The following PDE7B variants were observed in gnomAD, a reference collection of about 807,000 sequenced individuals.
The protein encoded by PDE7B is 3',5'-cyclic-AMP phosphodiesterase 7B.
In PDE7B, 29 loss-of-function variants were observed where a neutral mutation model predicts 56.2. The observed-to-expected ratio is 0.52, with a 90% CI of 0.38 to 0.70. PDE7B has a LOEUF of 0.70. Ranked by LOEUF, PDE7B falls within the 30% of genes least tolerant of loss-of-function variation. The pLI is 0.00. For missense variants in PDE7B, 490 were observed against 565.0 expected (o/e 0.87, Z 1.35); for synonymous variants, 197 against 196.9 (o/e 1.00, Z 0.00).
At chr6:136,125,790 C>T (rs1327119882) in intron 3 of PDE7B, among the ~76,000 whole-genome samples, 8 of 152,124 alleles carry the variant, frequency 5.3e-5, no homozygotes, top group African/African-American at 1.9e-4. Context: ...TAAAGGTGTT[C>T]CCAGGCTTCA....
chr6:135,945,584 T>A (rs1248099438), intron 1 of PDE7B, among the ~76,000 whole-genome samples: 1 of 152,162 alleles, frequency 6.6e-6, no homozygotes, highest in Admixed American at 6.6e-5. Flanking sequence ...CCAGAGGATG[T>A]CATAATCAGG....
At chr6:136,117,594 A>G (rs541713097) in intron 3 of PDE7B, among the ~76,000 whole-genome samples, 208 of 152,214 alleles carry the variant, frequency 1.4e-3, no homozygotes, top group Non-Finnish European at 2.6e-3. Flanking sequence ...AAGCTGGGGA[A>G]GAAGGGCAGA....
chr6:135,964,173 G>A (rs750628577), intron 2 of PDE7B, among the ~76,000 whole-genome samples: 2 of 151,528 alleles, frequency 1.3e-5, no homozygotes, highest in East Asian at 1.9e-4. Flanking sequence ...GTGCAATCTC[G>A]GCTCATTGCG....
At chr6:135,890,716 G>A (rs2128190105) in intron 1 of PDE7B, among the ~76,000 whole-genome samples, 1 of 152,094 alleles carries the variant, frequency 6.6e-6, no homozygotes, top group East Asian at 1.9e-4. Context: ...TGCAAGGCAA[G>A]TTGCACTAAG....
At chr6:136,070,738 C>CT (rs941002279) in intron 2 of PDE7B, among the ~76,000 whole-genome samples, 1 of 152,000 alleles carries the variant, frequency 6.6e-6, no homozygotes, top group Non-Finnish European at 1.5e-5. Flanking sequence ...AACATATTGA[C>CT]TTTTTTATTA....
intron 2 of PDE7B, among the ~76,000 whole-genome samples, chr6:136,074,405 C>A (rs1045275111): frequency 1.3e-5 from 2 of 152,238 alleles, no homozygotes; most frequent in African/African-American, 4.8e-5. Context: ...TCTATCACAT[C>A]AAGCATTTAT....
At chr6:135,883,835 G>C (rs1479145853) in intron 1 of PDE7B, among the ~76,000 whole-genome samples, 13 of 152,158 alleles carry the variant, frequency 8.5e-5, no homozygotes, top group Admixed American at 8.5e-4. Flanking sequence ...GCCTCACTCT[G>C]ATGTACTCAG....
At chr6:135,941,674 A>G (rs1345583212) in intron 1 of PDE7B, among the ~76,000 whole-genome samples, 1 of 152,232 alleles carries the variant, frequency 6.6e-6, no homozygotes, top group Admixed American at 6.5e-5. Context: ...CTGCTAAAAA[A>G]CAATTATAAA....
intron 10 of PDE7B, 150 bp downstream of exon 10, chr6:136,179,291 T>C: frequency 1.5e-6 from 1 of 655,728 alleles, no homozygotes; most frequent in Non-Finnish European, 2.7e-6. Context: ...CAGTGAGCTA[T>C]GATTGCACCA....
intron 2 of PDE7B, among the ~76,000 whole-genome samples, chr6:135,979,089 G>A (rs945742187): frequency 1.8e-4 from 27 of 151,990 alleles, no homozygotes; most frequent in South Asian, 8.3e-4. Flanking sequence ...AGTATGAAGC[G>A]TTGTTGAATT....
chr6:135,999,247 C>G (rs1038524569), intron 2 of PDE7B, among the ~76,000 whole-genome samples: 1 of 152,016 alleles, frequency 6.6e-6, no homozygotes, highest in African/African-American at 2.4e-5. Context: ...GCTATAGAAC[C>G]TTTGTTTACC....
intron 2 of PDE7B, among the ~76,000 whole-genome samples, chr6:135,967,525 C>T (rs1429705408): frequency 6.6e-6 from 1 of 152,094 alleles, no homozygotes; most frequent in Non-Finnish European, 1.5e-5. Context: ...ACTAAGCTAT[C>T]GCTGTGAAGG....
chr6:136,043,522 TTAA>T (rs1024770340), intron 2 of PDE7B, among the ~76,000 whole-genome samples: 1 of 141,656 alleles, frequency 7.1e-6, no homozygotes, highest in Non-Finnish European at 1.5e-5. Context: ...AAAAAGAGAA[TTAA>T]TAATAGCACC....
At chr6:136,106,748 T>C (rs1160216984) in intron 2 of PDE7B, among the ~76,000 whole-genome samples, 2 of 152,200 alleles carry the variant, frequency 1.3e-5, no homozygotes, top group African/African-American at 4.8e-5. Context: ...GTGAAAGTGC[T>C]TTGTAAACAT....
chr6:136,115,044 G>A (rs1777809047), intron 3 of PDE7B: 1 of 152,146 alleles, frequency 6.6e-6, no homozygotes. Flanking sequence ...CCCCTCGACG[G>A]AGCACCTCCT....
At chr6:136,056,907 T>C (rs1312099389) in intron 2 of PDE7B, among the ~76,000 whole-genome samples, 1 of 152,204 alleles carries the variant, frequency 6.6e-6, no homozygotes, top group Non-Finnish European at 1.5e-5. Context: ...AATAGCCTTC[T>C]ATTTCCCTAA....
intron 2 of PDE7B, among the ~76,000 whole-genome samples, chr6:136,065,821 G>A (rs554846018): frequency 2.6e-5 from 4 of 152,288 alleles, no homozygotes; most frequent in South Asian, 4.1e-4. Context: ...CAGATTTCTA[G>A]AATAGCAGCT....
chr6:136,011,134 T>C (rs915528546), intron 2 of PDE7B, among the ~76,000 whole-genome samples: 5 of 152,150 alleles, frequency 3.3e-5, no homozygotes, highest in Non-Finnish European at 1.5e-5. Context: ...GGGTTTTCAC[T>C]TCTAACTCCC....
intron 2 of PDE7B, among the ~76,000 whole-genome samples, chr6:136,071,582 A>C (rs924769528): frequency 1.3e-5 from 2 of 152,240 alleles, no homozygotes; most frequent in African/African-American, 4.8e-5. Context: ...ACACCAAGAA[A>C]TTATAAACTT....
Sources: gnomAD v4.1 joint callset for allele counts (sites outside exome capture counted in the v4.1 genomes callset) on GRCh38, gnomAD v4.1.1 for gene constraint, MANE v1.5 for transcripts, NCBI Gene and HGNC (gene_info 2026-07-23, HGNC 2026-07-21) for gene names.